Variants in IDH1 observed in about 807,000 individuals in gnomAD.
IDH1 encodes isocitrate dehydrogenase [NADP] cytoplasmic.
In IDH1, 33 loss-of-function variants were observed where a neutral mutation model predicts 46.1. The observed-to-expected ratio is 0.72, with a 90% CI of 0.54 to 0.96. IDH1 has a LOEUF of 0.96. Among genes scored for constraint, IDH1 ranks in the 40% least tolerant of loss-of-function variants. IDH1 has a pLI of 0.00. For synonymous variants in IDH1, 144 were observed against 172.8 expected (o/e 0.83, Z 1.31); for missense variants, 421 against 515.7 (o/e 0.82, Z 1.78).
intron 5 of IDH1, 112 bp from the exon 6 acceptor site, chr2:208,243,716 C>T (rs1392066504): frequency 2.3e-5 from 19 of 839,208 alleles, no homozygotes; most frequent in Non-Finnish European, 3.2e-5. Context: ...TCAGCTCTCA[C>T]ATCTGAGACT....
In IDH1 at chr2:208,248,446, T is replaced by C; in HGVS notation, c.337A>G (p.Ile113Val). ...ACAAGCCGGGGGATATTTTTGCAGA[T>C]AATGGCTTCTCTGAAGACCGTGCCA... is the stretch of plus-strand genomic sequence containing the variant. ...LGGTVFREAI[I>V]CKNIPRLVSG... The change falls in exon 4 of 10, where the codon ATC becomes GTC. Residue 113 changes from isoleucine (I) to valine (V), a missense_variant. By Grantham distance (29) the Ile-to-Val change is conservative (BLOSUM62 3). Transcript: ENST00000345146. The C allele has an allele frequency of 6.2e-7, 1 of 1,614,184 alleles. No homozygotes were observed. Among genetic ancestry groups the C allele is most frequent in the Non-Finnish European group, 8.5e-7 (1 of 1,179,984 alleles).
chr2:208,238,716 G>A (rs1687863265), intron 9 of IDH1, among the ~76,000 whole-genome samples: 1 of 152,186 alleles, frequency 6.6e-6, no homozygotes, highest in African/African-American at 2.4e-5. Context: ...TTCGTTCAAT[G>A]ATTATCAACT....
At chr2:208,249,085 T>A (rs1463136136) in intron 3 of IDH1, among the ~76,000 whole-genome samples, 2 of 152,218 alleles carry the variant, frequency 1.3e-5, no homozygotes, top group Non-Finnish European at 2.9e-5. Flanking sequence ...TTAAAGGATT[T>A]TTTGTATTTT....
Position 208,248,009 on chromosome 2 carries a change from G to C in IDH1, c.414+360C>G, listed in dbSNP as rs550533920. 400 of 270,602 alleles carry C rather than the reference G, an allele frequency of 1.5e-3. 11 individuals are homozygous for C. In the South Asian group the frequency reaches 0.017, roughly 12 times the overall value. 16.8% of individuals were successfully genotyped at this position (270,602 alleles called of 1,614,324 possible). On this transcript the variant is annotated intron_variant, in intron 4 of 9. Coordinates refer to ENST00000345146, the MANE Select transcript of IDH1 (RefSeq NM_005896.4). Reference sequence around the variant, plus strand: ...CAAAACAAAACCACCAAAAAAACTTGTAAGGGGATCCTATTGTGCAGCCAG... The same window carrying C: ...CAAAACAAAACCACCAAAAAAACTTCTAAGGGGATCCTATTGTGCAGCCAG...
chr2:208,242,046 G>C lies in IDH1; in HGVS notation c.798C>G (p.Ile266Met). The C allele has an allele frequency of 1.9e-6, 3 of 1,613,202 alleles. No homozygotes were observed. The highest frequency in any genetic ancestry group is 2.5e-6 in the Non-Finnish European group (3 of 1,179,876). ...AQAMKSEGGFIWACKNYDGDV... is the reference protein window; with the variant it reads ...AQAMKSEGGFMWACKNYDGDV... ...CACCATCATAGTTTTTACAGGCCCA[G>C]ATGAAGCCTCCCTCTGATTTCATAG... Residue 266 changes from isoleucine to methionine, a missense_variant, in exon 7 of 10, where the codon ATC becomes ATG. Transcript: ENST00000345146.
intron 6 of IDH1, among the ~76,000 whole-genome samples, chr2:208,243,118 C>G (rs1687951495): frequency 6.6e-6 from 1 of 152,128 alleles, no homozygotes; most frequent in African/African-American, 2.4e-5. Context: ...ATGGGTCTGA[C>G]TTAGAAACTC....
rs1210349032 is a variant in IDH1 at position 208,248,469 on chromosome 2, C to A, written c.314G>T (p.Gly105Val). 1 of 1,613,904 alleles carries A rather than the reference C, an allele frequency of 6.2e-7. No homozygotes were observed. Among genetic ancestry groups the A allele is most frequent in the Admixed American group, 1.7e-5 (1 of 59,994 alleles). Residue 105 changes from glycine (G) to valine (V), a missense_variant, in exon 4 of 10, where the codon GGC becomes GTC. Coordinates refer to ENST00000345146, the MANE Select transcript of IDH1 (RefSeq NM_005896.4). ...PNGTIRNILG[G>V]TVFREAIICK... ...GATAATGGCTTCTCTGAAGACCGTG[C>A]CACCCAGAATATTTCGTATGGTGCC...
At chr2:208,238,645 C>T (rs1217261357) in intron 9 of IDH1, among the ~76,000 whole-genome samples, 2 of 152,166 alleles carry the variant, frequency 1.3e-5, no homozygotes, top group Non-Finnish European at 2.9e-5. Context: ...ATAAAATAGC[C>T]TCTGAAGTAT....
chr2:208,251,278 C>A, intron 3 of IDH1, 152 bp downstream of exon 3: 1 of 579,988 alleles, frequency 1.7e-6, no homozygotes, highest in Non-Finnish European at 3.0e-6. Flanking sequence ...GTGATGGGGT[C>A]TCACTCTGTT....
At chr2:208,241,389 ATTTTTTTTTTTT>A (rs35384132) in intron 7 of IDH1, among the ~76,000 whole-genome samples, 1 of 119,964 alleles carries the variant, frequency 8.3e-6, no homozygotes, top group African/African-American at 3.1e-5. Context: ...CACCTGGCTA[ATTTTTTTTTTTT>A]TTTTTTTTTG....
chr2:208,251,622 T>C, intron 2 of IDH1, 55 bp from the exon 3 acceptor site: 1 of 1,448,084 alleles, frequency 6.9e-7, no homozygotes, highest in Non-Finnish European at 9.6e-7. Context: ...TAAAGTGAAA[T>C]ATATAAACAA....
Position 208,245,403 on chromosome 2 carries a change from C to T in IDH1, c.436G>A (p.Val146Ile). 6.2e-7 allele frequency: 1 copy of T among 1,608,444 alleles called. No homozygotes were observed. The highest frequency in any genetic ancestry group is 8.5e-7 in the Non-Finnish European group (1 of 1,176,702). The change falls in exon 5 of 10, where the codon GTT (valine) becomes ATT (isoleucine). Residue 146 changes from valine (V) to isoleucine (I), a missense_variant. Val to Ile is a conservative substitution (Grantham distance 29, BLOSUM62 3). Transcript: ENST00000345146. ...ATCTCTACTTTTCCAGGCCCAGGAA[C>T]AACAAAATCAGTTGCTCTGTACTGT... ...GDQYRATDFV[V>I]PGPGKVEITY...
chr2:208,237,188 A>G lies in IDH1; in HGVS notation c.1155-19T>C. 2.0e-6 allele frequency: 3 copies of G among 1,463,622 alleles called. No individual in the cohort carries two copies. Among genetic ancestry groups the G allele is most frequent in the Non-Finnish European group, 2.9e-6 (3 of 1,046,694 alleles). 90.7% of individuals were successfully genotyped at this position (1,463,622 alleles called of 1,614,324 possible). A position where few individuals can be genotyped will look rare whatever the true frequency, so the allele number is the denominator to read the frequency against. ...TTGCACACTAACGGGAAGGAAAAAA[A>G]AAAGAAAATTTAGTTGGTCTCTGAT... On this transcript the variant is annotated intron_variant, in intron 9 of 9. Transcript: ENST00000345146.
At chr2:208,251,618 G>A in intron 2 of IDH1, 51 bp from the exon 3 acceptor site, 1 of 1,470,958 alleles carries the variant, frequency 6.8e-7, no homozygotes, top group Middle Eastern at 1.7e-4. Context: ...ATTATAAAGT[G>A]AAATATATAA....
At chr2:208,237,240 A>AGAAATGCT in intron 9 of IDH1, 71 bp from the exon 10 acceptor site, 1 of 784,014 alleles carries the variant, frequency 1.3e-6, no homozygotes, top group Non-Finnish European at 2.2e-6. Context: ...GTAAAGTCCT[A>AGAAATGCT]GAAATGCTAC....
chr2:208,249,082 AT>A (rs1214969355), intron 3 of IDH1, among the ~76,000 whole-genome samples: 1 of 152,084 alleles, frequency 6.6e-6, no homozygotes, highest in Non-Finnish European at 1.5e-5. Flanking sequence ...GGGTTAAAGG[AT>A]TTTTTGTATT....
At chr2:208,240,043 T>G (rs750036692) in intron 7 of IDH1, 40 bp from the exon 8 acceptor site, 157 of 1,609,210 alleles carry the variant, frequency 9.8e-5, no homozygotes, top group Non-Finnish European at 1.3e-4. Flanking sequence ...TCCAACTGCA[T>G]GAAGAGCACT....
intron 2 of IDH1, among the ~76,000 whole-genome samples, chr2:208,252,471 G>A (rs912225481): frequency 1.3e-5 from 2 of 152,190 alleles, no homozygotes; most frequent in African/African-American, 4.8e-5. Context: ...AAGGTTGGAC[G>A]CTTTGGAAGA....
At chr2:208,239,783 C>T (rs551720716) in intron 8 of IDH1, 80 bp downstream of exon 8, 3 of 1,409,832 alleles carry the variant, frequency 2.1e-6, no homozygotes, top group South Asian at 1.2e-5. Flanking sequence ...GCACACAAAA[C>T]ACTGAGCAGC....
Sources: allele counts gnomAD v4.1 joint callset (sites outside exome capture counted in the v4.1 genomes callset), GRCh38; gene constraint gnomAD v4.1.1; transcripts MANE v1.5; gene names NCBI Gene and HGNC (gene_info 2026-07-23, HGNC 2026-07-21).